The following RIMS2 variants were observed in gnomAD, a reference collection of about 807,000 sequenced individuals.
RIMS2 encodes the protein regulating synaptic membrane exocytosis protein 2.
RIMS2 carries 59 observed loss-of-function variants against 174.4 expected under a neutral mutation model. The observed-to-expected ratio is 0.34, with a 90% confidence interval of 0.27 to 0.42. The LOEUF (loss-of-function observed/expected upper bound fraction) is 0.42, where lower values mean the gene tolerates loss of function less well. Among genes scored for constraint, RIMS2 ranks in the 10% least tolerant of loss-of-function variants. The pLI, the probability that RIMS2 is intolerant of heterozygous loss-of-function variation, is 1.00. For synonymous variants in RIMS2, 606 were observed against 572.5 expected, an observed-to-expected ratio of 1.06 and a Z score of -0.84; for missense variants, 1,620 against 1,666.3, an observed-to-expected ratio of 0.97 and a Z score of 0.48.
At position 103,766,623 on chromosome 8, in the gene RIMS2, C is replaced by A. The variant is rs536307005; in HGVS notation, c.698+86C>A. ...GATAACAATACATGAAATGTTTAGG[C>A]AATGGTGAGTTGTCTAAGTAATGTA... On this transcript the variant is annotated intron_variant, in intron 3 of 23. Coordinates refer to ENST00000504942, the Ensembl canonical transcript of RIMS2. 10 of 869,882 alleles carry A rather than the reference C, an allele frequency of 1.1e-5. No individual in the cohort carries two copies. The African/African-American group carries it at 1.2e-4, about 10-fold the overall frequency. The allele number at this position is 869,882 out of a possible 1,614,324, so 53.9% of individuals were successfully genotyped here. A position where few individuals can be genotyped will look rare whatever the true frequency, so the allele number is the denominator to read the frequency against.
rs200412908 is a variant in RIMS2, at chr8:103,597,226, A to T, written c.176+96164A>T. On this transcript the variant is annotated intron_variant, in intron 1 of 23. Transcript: ENST00000504942. Reference sequence around the variant, plus strand: ...TAATGACCATATTTTCTTTAACTATAGTGAGTTTTAGCTGCATATAAAGTT... The same window carrying T: ...TAATGACCATATTTTCTTTAACTATTGTGAGTTTTAGCTGCATATAAAGTT... 3.0e-4 allele frequency among the ~76,000 whole-genome samples: 45 copies of T among 152,298 alleles called. No homozygotes were observed. In the East Asian group the frequency reaches 6.0e-3, roughly 20 times the overall value.
intron 19 of RIMS2, among the ~76,000 whole-genome samples, chr8:104,176,356 C>T (rs1444146623): frequency 6.6e-6 from 1 of 152,152 alleles, no homozygotes; most frequent in East Asian, 1.9e-4. Flanking sequence ...CGGGAACAAC[C>T]TAGAAACCTT....
chr8:103,931,239 TA>T, intron 11 of RIMS2, 23 bp from the exon 14 acceptor site: 1 of 1,553,834 alleles, frequency 6.4e-7, no homozygotes, highest in Admixed American at 1.9e-5. Flanking sequence ...TTTGAATTGA[TA>T]AATGAATATT....
chr8:104,140,631 GA>G (rs1414767332), intron 19 of RIMS2, among the ~76,000 whole-genome samples: 4 of 152,124 alleles, frequency 2.6e-5, no homozygotes, highest in African/African-American at 7.2e-5. Flanking sequence ...TTTATGTGAA[GA>G]AAAAAATGTA....
chr8:104,229,197 T>A (rs910764659), intron 19 of RIMS2, among the ~76,000 whole-genome samples: 1 of 152,226 alleles, frequency 6.6e-6, no homozygotes, highest in African/African-American at 2.4e-5. Flanking sequence ...TAGAAAGTTA[T>A]AATAACAGCA....
intron 17 of RIMS2, among the ~76,000 whole-genome samples, chr8:104,011,490 T>A (rs1269385619): frequency 6.6e-6 from 1 of 152,130 alleles, no homozygotes; most frequent in Admixed American, 6.6e-5. Context: ...ACCTCTGTTT[T>A]ATAAATAATG....
intron 15 of RIMS2, among the ~76,000 whole-genome samples, chr8:103,975,100 T>G (rs1333764418): frequency 1.3e-5 from 2 of 152,206 alleles, no homozygotes; most frequent in African/African-American, 4.8e-5. Flanking sequence ...TAAGTTTATA[T>G]AAAAGCTTTA....
At chr8:104,171,000 A>G (rs2098828991) in intron 19 of RIMS2, among the ~76,000 whole-genome samples, 1 of 152,130 alleles carries the variant, frequency 6.6e-6, no homozygotes, top group Non-Finnish European at 1.5e-5. Flanking sequence ...TCTGCCTTGT[A>G]AATTTTCTGC....
At chr8:103,815,370 A>C (rs1456436973) in intron 3 of RIMS2, among the ~76,000 whole-genome samples, 2 of 152,128 alleles carry the variant, frequency 1.3e-5, no homozygotes, top group Non-Finnish European at 1.5e-5. Context: ...AACTTATTCA[A>C]GTGTTGATTA....
At chr8:104,249,430 A>C in intron 21 of RIMS2, 57 bp from the exon 28 acceptor site, 1 of 888,416 alleles carries the variant, frequency 1.1e-6, no homozygotes. Context: ...CTTTGACTCT[A>C]TTTTCCTTAG....
chr8:103,779,194 G>C (rs1212940781), intron 3 of RIMS2, among the ~76,000 whole-genome samples: 2 of 152,086 alleles, frequency 1.3e-5, no homozygotes, highest in East Asian at 3.9e-4. Context: ...CCATTATATG[G>C]GTTGTCTCTT....
intron 10 of RIMS2, among the ~76,000 whole-genome samples, chr8:103,924,460 G>A (rs1001021588): frequency 2.0e-5 from 3 of 151,456 alleles, no homozygotes; most frequent in Admixed American, 2.0e-4. Context: ...ATTTTGGTTT[G>A]CTCTAATGAT....
chr8:103,908,733 A>G (rs190216594), intron 4 of RIMS2, among the ~76,000 whole-genome samples: 51 of 152,308 alleles, frequency 3.3e-4, no homozygotes, highest in African/African-American at 1.2e-3. Context: ...TATTCAAGCC[A>G]TAATTACCTT....
chr8:104,135,700 G>T (rs2098513944), intron 19 of RIMS2, among the ~76,000 whole-genome samples: 1 of 151,542 alleles, frequency 6.6e-6, no homozygotes, highest in Admixed American at 6.6e-5. Context: ...AAGGAGTTCA[G>T]CCAGTTGGAT....
At chr8:103,988,111 GAA>G (rs2094475860) in intron 16 of RIMS2, among the ~76,000 whole-genome samples, 1 of 152,084 alleles carries the variant, frequency 6.6e-6, no homozygotes, top group Non-Finnish European at 1.5e-5. Context: ...TTTGAAAAAA[GAA>G]GAGAAAAATT....
intron 1 of RIMS2, among the ~76,000 whole-genome samples, chr8:103,686,498 G>A (rs2096941642): frequency 6.6e-6 from 1 of 152,122 alleles, no homozygotes; most frequent in African/African-American, 2.4e-5. Context: ...TGCTAAGGAA[G>A]TTTTTGTCAA....
At chr8:103,558,268 T>G (rs551743297) in intron 1 of RIMS2, among the ~76,000 whole-genome samples, 2 of 152,312 alleles carry the variant, frequency 1.3e-5, no homozygotes, top group African/African-American at 2.4e-5. Context: ...CCACCCAGGC[T>G]GGAGTGCAGT....
At chr8:103,614,441 G>A (rs1334406682) in intron 1 of RIMS2, among the ~76,000 whole-genome samples, 3 of 152,246 alleles carry the variant, frequency 2.0e-5, no homozygotes, top group Admixed American at 6.5e-5. Context: ...ATTTAAGACT[G>A]TCTCTTTGAT....
chr8:104,115,784 A>G (rs1254412796), intron 19 of RIMS2, among the ~76,000 whole-genome samples: 1 of 152,126 alleles, frequency 6.6e-6, no homozygotes, highest in Non-Finnish European at 1.5e-5. Flanking sequence ...TGGAGAATGT[A>G]TGCACCCATT....
Sources: gnomAD v4.1 joint callset for allele counts (sites outside exome capture counted in the v4.1 genomes callset) on GRCh38, gnomAD v4.1.1 for gene constraint, MANE v1.5 for transcripts, NCBI Gene and HGNC (gene_info 2026-07-23, HGNC 2026-07-21) for gene names.